Variants in SLC1A1 observed in about 807,000 individuals in gnomAD.
The protein encoded by SLC1A1 is solute carrier family 1 member 1.
Under a neutral mutation model 53.3 loss-of-function variants are expected in SLC1A1, and 43 were observed. That is an observed-to-expected ratio of 0.81 (90% CI 0.63 to 1.04). SLC1A1 has a LOEUF of 1.04. Ranked by LOEUF, SLC1A1 falls within the 50% of genes least tolerant of loss-of-function variation. The pLI, the probability that SLC1A1 is intolerant of heterozygous loss-of-function variation, is 0.00. For missense variants in SLC1A1, 748 were observed against 664.9 expected (o/e 1.12, Z -1.37); for synonymous variants, 307 against 243.2 (o/e 1.26, Z -2.44).
At chr9:4,541,652 G>A (rs1407357928) in intron 1 of SLC1A1, among the ~76,000 whole-genome samples, 2 of 152,180 alleles carry the variant, frequency 1.3e-5, no homozygotes, top group Non-Finnish European at 2.9e-5. Context: ...GAGAAACAAA[G>A]GTTACAGCTG....
At chr9:4,502,691 G>A (rs994688564) in intron 1 of SLC1A1, among the ~76,000 whole-genome samples, 1 of 151,696 alleles carries the variant, frequency 6.6e-6, no homozygotes, top group Non-Finnish European at 1.5e-5. Context: ...CAAAGCTTAG[G>A]TTACTAATTA....
intron 2 of SLC1A1, among the ~76,000 whole-genome samples, chr9:4,548,633 G>C (rs181847363): frequency 6.6e-6 from 1 of 152,254 alleles, no homozygotes; most frequent in East Asian, 1.9e-4. Context: ...ATTTACCAGG[G>C]AAATTTGAAC....
At chr9:4,495,339 A>C (rs1032787893) in intron 1 of SLC1A1, among the ~76,000 whole-genome samples, 3 of 152,182 alleles carry the variant, frequency 2.0e-5, no homozygotes, top group Non-Finnish European at 4.4e-5. Flanking sequence ...CCCACTGTGC[A>C]CCAGGGATTG....
intron 1 of SLC1A1, among the ~76,000 whole-genome samples, chr9:4,507,323 T>C (rs1300323567): frequency 6.6e-6 from 1 of 152,202 alleles, no homozygotes; most frequent in Non-Finnish European, 1.5e-5. Context: ...TTTGATTTTT[T>C]TGGTCTCTGG....
chr9:4,513,418 G>A (rs191855664), intron 1 of SLC1A1, among the ~76,000 whole-genome samples: 10 of 152,316 alleles, frequency 6.6e-5, no homozygotes, highest in Non-Finnish European at 1.5e-4. Context: ...CTTCACCGAA[G>A]AGGGTATACT....
chr9:4,531,696 T>C (rs1390710684), intron 1 of SLC1A1, among the ~76,000 whole-genome samples: 1 of 152,124 alleles, frequency 6.6e-6, no homozygotes, highest in Admixed American at 6.5e-5. Flanking sequence ...TCTGACAGCC[T>C]TGGAGAGAAT....
At chr9:4,501,193 T>C (rs940660432) in intron 1 of SLC1A1, among the ~76,000 whole-genome samples, 2 of 148,700 alleles carry the variant, frequency 1.3e-5, no homozygotes, top group Admixed American at 6.6e-5. Flanking sequence ...TTCTATTTTG[T>C]TTTGTTTTGA....
chr9:4,507,705 C>A (rs2039291), intron 1 of SLC1A1, among the ~76,000 whole-genome samples: 99,868 of 151,888 alleles, frequency 0.66, 33,199 homozygotes, highest in African/African-American at 0.74. Context: ...CCAGGTACTT[C>A]GACTTAGCAT....
intron 1 of SLC1A1, among the ~76,000 whole-genome samples, chr9:4,494,659 TA>T: frequency 6.6e-6 from 1 of 151,022 alleles, no homozygotes; most frequent in African/African-American, 2.4e-5. Flanking sequence ...ATATATAATT[TA>T]TATAAATATA....
In SLC1A1 at chr9:4,503,425, T is replaced by C. The variant is rs75668942; in HGVS notation, c.91+12655T>C. ...GTCTGTATTTTGTCCTCTCAGTCCATTGGTGGCAATACATCCACAATCACT... is the reference window on the plus strand; with the variant it reads ...GTCTGTATTTTGTCCTCTCAGTCCACTGGTGGCAATACATCCACAATCACT... On this transcript the variant is annotated intron_variant, in intron 1 of 11. Transcript: ENST00000262352. Among the ~76,000 whole-genome samples the C allele has an allele frequency of 1.2e-4, 18 of 151,968 alleles. 1 individual carries two copies. The East Asian group carries it at 3.5e-3, about 29-fold the overall frequency.
intron 1 of SLC1A1, among the ~76,000 whole-genome samples, chr9:4,531,695 C>G (rs1816475901): frequency 6.6e-6 from 1 of 152,158 alleles, no homozygotes; most frequent in South Asian, 2.1e-4. Flanking sequence ...GTCTGACAGC[C>G]TTGGAGAGAA....
chr9:4,492,662 G>A (rs1282035696), intron 1 of SLC1A1, among the ~76,000 whole-genome samples: 1 of 152,000 alleles, frequency 6.6e-6, no homozygotes, highest in Non-Finnish European at 1.5e-5. Context: ...TAGCGTGGTG[G>A]TGCACATCTG....
chr9:4,559,719 G>A (rs990284981), intron 2 of SLC1A1: 5 of 152,152 alleles, frequency 3.3e-5, no homozygotes, highest in Admixed American at 6.6e-5. Context: ...GACAACTCAT[G>A]CGTGTTGAAT....
chr9:4,535,335 G>A (rs377405890), intron 1 of SLC1A1, among the ~76,000 whole-genome samples: 1 of 152,066 alleles, frequency 6.6e-6, no homozygotes, highest in Non-Finnish European at 1.5e-5. Flanking sequence ...AATCTCCTTA[G>A]GCTGATAGGC....
At chr9:4,533,130 A>G (rs1220907589) in intron 1 of SLC1A1, among the ~76,000 whole-genome samples, 1 of 152,166 alleles carries the variant, frequency 6.6e-6, no homozygotes, top group Non-Finnish European at 1.5e-5. Context: ...TAAAGACCAG[A>G]GAGGCTAGGA....
intron 2 of SLC1A1, among the ~76,000 whole-genome samples, chr9:4,551,922 G>A (rs922534931): frequency 3.3e-5 from 5 of 152,192 alleles, no homozygotes; most frequent in African/African-American, 4.8e-5. Flanking sequence ...ACCACATAGT[G>A]TATAAGGAAG....
chr9:4,505,764 C>G (rs535403213), intron 1 of SLC1A1, among the ~76,000 whole-genome samples: 1 of 152,284 alleles, frequency 6.6e-6, no homozygotes, highest in East Asian at 1.9e-4. Flanking sequence ...TCAAGCAATT[C>G]TGCTGCCTCA....
At chr9:4,542,746 G>C (rs1418964246) in intron 1 of SLC1A1, among the ~76,000 whole-genome samples, 1 of 152,118 alleles carries the variant, frequency 6.6e-6, no homozygotes, top group Non-Finnish European at 1.5e-5. Context: ...CAGGAAGTGA[G>C]CACATCGTAC....
intron 1 of SLC1A1, among the ~76,000 whole-genome samples, chr9:4,543,933 C>T: frequency 6.6e-6 from 1 of 152,166 alleles, no homozygotes; most frequent in Non-Finnish European, 1.5e-5. Context: ...AATCCCAGCA[C>T]TTTCGGAAGT....
Sources: allele counts gnomAD v4.1 joint callset (sites outside exome capture counted in the v4.1 genomes callset), GRCh38; gene constraint gnomAD v4.1.1; transcripts MANE v1.5; gene names NCBI Gene and HGNC (gene_info 2026-07-23, HGNC 2026-07-21).